The following MON1A variants were observed in gnomAD, a reference collection of about 807,000 sequenced individuals.
MON1A encodes vacuolar fusion protein MON1 homolog A.
A neutral mutation model predicts 44.6 loss-of-function variants in MON1A; 29 were observed. That is an observed-to-expected ratio of 0.65 (90% CI 0.48 to 0.89). The LOEUF is 0.89. Among genes scored for constraint, MON1A ranks in the 40% least tolerant of loss-of-function variants. The pLI is 0.00. For missense variants in MON1A, 615 were observed against 759.6 expected (o/e 0.81, Z 2.24); for synonymous variants, 275 against 316.4 (o/e 0.87, Z 1.39).
chr3:49,919,857 AGTG>A, intron 1 of MON1A, among the ~76,000 whole-genome samples: 1 of 152,320 alleles, frequency 6.6e-6, no homozygotes, highest in African/African-American at 2.4e-5. Context: ...CCTTCCAAGC[AGTG>A]ATTCAGGAAT....
chr3:49,911,473 T>A lies in MON1A; in HGVS notation c.613+53A>T. ...GTCTGCAGGGGTCCAAAACCTGCTA[T>A]GAATGAACCTTGGCCAGGGGAGCCC... is the stretch of plus-strand genomic sequence containing the variant. On this transcript the variant is annotated intron_variant, in intron 3 of 5. Coordinates refer to ENST00000296473, the MANE Select transcript of MON1A (RefSeq NM_032355.4). The surrounding 1 kb of genome is among the most constrained non-coding windows in gnomAD (Gnocchi z 5.7). The A allele has an allele frequency of 6.4e-7, 1 of 1,553,956 alleles. No homozygotes were observed. The highest frequency in any genetic ancestry group is 8.7e-7 in the Non-Finnish European group (1 of 1,151,070).
In MON1A at chr3:49,909,525, C is replaced by A; in HGVS notation, c.1380-125G>T. The A allele has an allele frequency of 7.6e-7, 1 of 1,322,734 alleles. No individual in the cohort carries two copies. The highest frequency in any genetic ancestry group is 1.0e-6 in the Non-Finnish European group (1 of 966,746). 81.9% of individuals were successfully genotyped at this position (1,322,734 alleles called of 1,614,324 possible). The stretch of plus-strand genomic sequence containing the variant: ...TTATGTCCTACCCTCCAGGTGCTCC[C>A]TTAGGACAGGGCATTGTCTCCCCAC... On this transcript the variant is annotated intron_variant, in intron 4 of 5. Coordinates refer to ENST00000296473, the MANE Select transcript of MON1A (RefSeq NM_032355.4). The surrounding 1 kb of genome is among the most constrained non-coding windows in gnomAD (Gnocchi z 4.0).
chr3:49,923,773 C>G (rs1005557272), intron 1 of MON1A, among the ~76,000 whole-genome samples: 2 of 148,656 alleles, frequency 1.3e-5, no homozygotes, highest in African/African-American at 4.9e-5. Flanking sequence ...CTCATTCTTT[C>G]AGTTGTTTGG....
intron 1 of MON1A, among the ~76,000 whole-genome samples, chr3:49,913,660 ATTTTTTT>A (rs1165487319): frequency 1.8e-5 from 2 of 113,696 alleles, no homozygotes; most frequent in South Asian, 2.5e-4. Context: ...TCCTTCTAGT[ATTTTTTT>A]TTTTTTTTTT....
intron 1 of MON1A, among the ~76,000 whole-genome samples, chr3:49,928,435 AC>A (rs1273711598): frequency 6.6e-6 from 1 of 151,980 alleles, no homozygotes; most frequent in Non-Finnish European, 1.5e-5. Flanking sequence ...TTCTCAGGGA[AC>A]CCTTCTCAGA....
rs1215335704 is a variant in MON1A, at chr3:49,920,429, A to G, written c.-13-7070T>C. Among the ~76,000 whole-genome samples the G allele has an allele frequency of 2.0e-5, 3 of 152,044 alleles. No homozygotes were observed. In the East Asian group the frequency reaches 5.8e-4, roughly 29 times the overall value. On this transcript the variant is annotated intron_variant, in intron 1 of 5. Coordinates refer to ENST00000296473, the MANE Select transcript of MON1A (RefSeq NM_032355.4). The stretch of plus-strand genomic sequence containing the variant: ...TAGTTTTAAATTCCCTCTACATATT[A>G]ATACTTTTTTTTAATCTCCAGCCCC...
Position 49,910,465 on chromosome 3 carries a change from G to C in MON1A, c.1033C>G (p.Leu345Val). 1 of 1,614,186 alleles carries C rather than the reference G, an allele frequency of 6.2e-7. No individual in the cohort carries two copies. The highest frequency in any genetic ancestry group is 8.5e-7 in the Non-Finnish European group (1 of 1,180,012). ...RKDQFLHPID[L>V]HLLFNLISSS... ...CTAATGAGGTTGAAGAGCAGGTGCA[G>C]GTCGATGGGGTGCAGAAATTGGTCC... The change falls in exon 4 of 6, where the codon CTG (leucine) becomes GTG (valine). Residue 345 changes from leucine (L) to valine (V), a missense_variant. Leu to Val is a conservative substitution (Grantham distance 32). Coordinates refer to ENST00000296473, the MANE Select transcript of MON1A (RefSeq NM_032355.4). This position sits in a 1 kb window ranked among gnomAD's most constrained non-coding sequence, Gnocchi z 8.0.
At chr3:49,927,637 T>G (rs767801882) in intron 1 of MON1A, among the ~76,000 whole-genome samples, 3 of 152,176 alleles carry the variant, frequency 2.0e-5, no homozygotes. Flanking sequence ...AGCTGTCTTA[T>G]AGACAGCTGG....
In MON1A at chr3:49,909,888, G is replaced by T; in HGVS notation, c.1379+231C>A. 1 of 495,778 alleles carries T rather than the reference G, an allele frequency of 2.0e-6. No individual in the cohort carries two copies. The allele number at this position is 495,778 out of a possible 1,614,324, so 30.7% of individuals were successfully genotyped here. A position where few individuals can be genotyped will look rare whatever the true frequency, so the allele number is the denominator to read the frequency against. On this transcript the variant is annotated intron_variant, in intron 4 of 5. Transcript: ENST00000296473. This position sits in a 1 kb window ranked among gnomAD's most constrained non-coding sequence, Gnocchi z 4.0. ...ACCTCTGTTCCAGTTTCCTTCTCTG[G>T]GTATATTGGGCATTTCCAGGCCTTC... is the stretch of plus-strand genomic sequence containing the variant.
chr3:49,922,675 G>C (rs1157723382), intron 1 of MON1A, among the ~76,000 whole-genome samples: 1 of 151,212 alleles, frequency 6.6e-6, no homozygotes, highest in African/African-American at 2.4e-5. Flanking sequence ...CAGGAAAGAA[G>C]GAAAGAACGA....
intron 2 of MON1A, chr3:49,912,583 G>A (rs1222186661): frequency 1.2e-5 from 2 of 172,806 alleles, no homozygotes; most frequent in African/African-American, 2.4e-5. Context: ...TGTGTCTGGA[G>A]CACTGCCCAT....
At chr3:49,912,162 C>T (rs1213691397) in intron 2 of MON1A, 151 bp from the exon 3 acceptor site, 2 of 985,400 alleles carry the variant, frequency 2.0e-6, no homozygotes, top group Non-Finnish European at 1.4e-6. Flanking sequence ...ATGGATGATG[C>T]TTCTCTGCAA....
In MON1A at chr3:49,909,271, G is replaced by C. The variant is rs201362782; in HGVS notation, c.1509C>G (p.Asn503Lys). 3.1e-6 allele frequency: 5 copies of C among 1,613,906 alleles called. No homozygotes were observed. The highest frequency in any genetic ancestry group is 4.2e-6 in the Non-Finnish European group (5 of 1,180,008). The part of the protein sequence containing the change: ...PLKTIYYTGP[N>K]ENLLAWVTGA... ...GCCTTACCCAGGCCAGGAGGTTCTCGTTGGGGCCCGTGTAGTAAATGGTCT... is the reference window on the plus strand; with the variant it reads ...GCCTTACCCAGGCCAGGAGGTTCTCCTTGGGGCCCGTGTAGTAAATGGTCT... The change falls in exon 5 of 6, where the codon AAC becomes AAG. Residue 503 changes from asparagine to lysine, a missense_variant. Asn to Lys is a moderately conservative substitution (Grantham distance 94). Transcript: ENST00000296473. The surrounding 1 kb of genome is among the most constrained non-coding windows in gnomAD (Gnocchi z 4.0).
intron 1 of MON1A, among the ~76,000 whole-genome samples, chr3:49,915,009 T>G (rs2108533683): frequency 6.6e-6 from 1 of 152,282 alleles, no homozygotes; most frequent in African/African-American, 2.4e-5. Context: ...ACATAAAATG[T>G]AAATAATTAA....
intron 1 of MON1A, among the ~76,000 whole-genome samples, chr3:49,914,152 G>A (rs1370776852): frequency 1.3e-5 from 2 of 149,072 alleles, no homozygotes; most frequent in African/African-American, 5.0e-5. Context: ...GTGCAATGGC[G>A]TAATCTCGGC....
intron 1 of MON1A, chr3:49,924,179 G>C (rs2083029212): frequency 6.6e-6 from 1 of 151,892 alleles, no homozygotes; most frequent in Non-Finnish European, 1.5e-5. Context: ...AATCCTGTTA[G>C]CTCTATTTCA....
intron 1 of MON1A, among the ~76,000 whole-genome samples, chr3:49,917,510 G>C (rs1030542741): frequency 2.0e-5 from 3 of 150,678 alleles, no homozygotes; most frequent in African/African-American, 4.9e-5. Flanking sequence ...GGATGGTCTC[G>C]ATCTCCTGAC....
At position 49,928,976 on chromosome 3, in the gene MON1A, T is replaced by C. The variant is rs182963610; in HGVS notation, c.-14+633A>G. On this transcript the variant is annotated intron_variant, in intron 1 of 5. Coordinates refer to ENST00000296473, the MANE Select transcript of MON1A (RefSeq NM_032355.4). ...CTGTAATCCCAGCACTTTGGGAAGCTGAGGCAGGCAGATCACCTGAGGTCA... is the reference window on the plus strand; with the variant it reads ...CTGTAATCCCAGCACTTTGGGAAGCCGAGGCAGGCAGATCACCTGAGGTCA... 7.0e-3 allele frequency among the ~76,000 whole-genome samples: 1,065 copies of C among 152,216 alleles called. 15 individuals carry two copies. The highest frequency in any genetic ancestry group is 0.024 in the African/African-American group (1,014 of 41,540).
chr3:49,911,201 G>GATAA lies in MON1A; in HGVS notation c.614-318_614-317insTTAT, dbSNP rs2082875378. Among the ~76,000 whole-genome samples, 1 of 95,986 alleles carries GATAA rather than the reference G, an allele frequency of 1.0e-5. No homozygotes were observed. The highest frequency in any genetic ancestry group is 4.0e-5 in the African/African-American group (1 of 25,236). 63.0% of individuals were successfully genotyped at this position (95,986 alleles called of 152,430 possible). On this transcript the variant is annotated intron_variant, in intron 3 of 5. Transcript: ENST00000296473. The surrounding 1 kb of genome is among the most constrained non-coding windows in gnomAD (Gnocchi z 5.7). Reference sequence around the variant, plus strand: ...GGGAGATAGATAGATTAGATAGATAGATAGATAGATAGATAGATAGATAGA... The same window carrying GATAA: ...GGGAGATAGATAGATTAGATAGATAGATAAATAGATAGATAGATAGATAGATAGA...
Sources: gnomAD v4.1 joint callset for allele counts (sites outside exome capture counted in the v4.1 genomes callset) on GRCh38, gnomAD v4.1.1 for gene constraint, Gnocchi (gnomAD v3.1) non-coding constraint, MANE v1.5 for transcripts, NCBI Gene and HGNC (gene_info 2026-07-23, HGNC 2026-07-21) for gene names.